Variants in PDE7B observed in about 807,000 individuals in gnomAD.
PDE7B encodes phosphodiesterase 7B.
Under a neutral mutation model 56.2 loss-of-function variants are expected in PDE7B, and 29 were observed. The observed-to-expected ratio is 0.52, with a 90% confidence interval of 0.38 to 0.70. PDE7B has a LOEUF of 0.70. Among genes scored for constraint, PDE7B ranks in the 30% least tolerant of loss-of-function variants. The probability of loss-of-function intolerance (pLI) is 0.00; values close to 1 mark genes in which losing one functional copy is unlikely to be tolerated. For missense variants in PDE7B, 490 were observed against 565.0 expected, an observed-to-expected ratio of 0.87 and a Z score of 1.35; for synonymous variants, 197 against 196.9, an observed-to-expected ratio of 1.00 and a Z score of 0.00.
chr6:136,117,517 C>CT (rs1256816136), intron 3 of PDE7B, among the ~76,000 whole-genome samples: 1 of 152,156 alleles, frequency 6.6e-6, no homozygotes. Context: ...TCAAAAAGAC[C>CT]TTTTTTTCTT....
chr6:135,879,498 G>C (rs1400472525), intron 1 of PDE7B, among the ~76,000 whole-genome samples: 1 of 151,956 alleles, frequency 6.6e-6, no homozygotes, highest in Non-Finnish European at 1.5e-5. Context: ...CACTTCATTA[G>C]CCAAGGCATA....
intron 2 of PDE7B, among the ~76,000 whole-genome samples, chr6:135,982,559 G>GT (rs1488584947): frequency 3.3e-5 from 5 of 152,110 alleles, no homozygotes; most frequent in Non-Finnish European, 5.9e-5. Context: ...AGGAATCTTA[G>GT]TGACCTGTGT....
chr6:136,178,845 C>A, intron 9 of PDE7B, 152 bp from the exon 10 acceptor site: 2 of 772,160 alleles, frequency 2.6e-6, no homozygotes, highest in Non-Finnish European at 4.3e-6. Context: ...GGGAGACTTG[C>A]TCTCAGGCAG....
At chr6:135,982,228 G>A (rs1197821989) in intron 2 of PDE7B, among the ~76,000 whole-genome samples, 1 of 152,128 alleles carries the variant, frequency 6.6e-6, no homozygotes, top group Non-Finnish European at 1.5e-5. Flanking sequence ...TGTATTATAA[G>A]GACCTACCGC....
At chr6:136,053,189 C>T (rs1343966075) in intron 2 of PDE7B, among the ~76,000 whole-genome samples, 1 of 149,976 alleles carries the variant, frequency 6.7e-6, no homozygotes, top group South Asian at 2.2e-4. Context: ...AGGTATATCT[C>T]TTAATGCTAT....
intron 2 of PDE7B, among the ~76,000 whole-genome samples, chr6:135,970,878 A>G (rs1030057830): frequency 1.3e-5 from 2 of 152,114 alleles, no homozygotes; most frequent in Non-Finnish European, 2.9e-5. Flanking sequence ...TTGCCAATGA[A>G]TTGGAGGTAG....
intron 2 of PDE7B, among the ~76,000 whole-genome samples, chr6:136,014,250 A>G (rs929901286): frequency 1.3e-5 from 2 of 152,248 alleles, no homozygotes; most frequent in Non-Finnish European, 2.9e-5. Context: ...ATCACTCACA[A>G]TACCACTAAG....
chr6:135,911,040 CATAA>C (rs1192547484), intron 1 of PDE7B, among the ~76,000 whole-genome samples: 3 of 152,120 alleles, frequency 2.0e-5, no homozygotes, highest in Non-Finnish European at 4.4e-5. Context: ...ACCCTGTGTA[CATAA>C]ATCTTTCACA....
intron 3 of PDE7B, among the ~76,000 whole-genome samples, chr6:136,142,047 A>C (rs1778335543): frequency 6.6e-6 from 1 of 152,076 alleles, no homozygotes; most frequent in Non-Finnish European, 1.5e-5. Flanking sequence ...TTGTGATGTT[A>C]GGGTATCAGT....
intron 2 of PDE7B, among the ~76,000 whole-genome samples, chr6:135,957,216 A>G (rs1322292654): frequency 6.6e-6 from 1 of 152,128 alleles, no homozygotes; most frequent in Non-Finnish European, 1.5e-5. Flanking sequence ...TAAGAAGGAA[A>G]TATGGTGTTC....
intron 2 of PDE7B, among the ~76,000 whole-genome samples, chr6:135,949,369 T>C (rs970990942): frequency 6.6e-6 from 1 of 152,108 alleles, no homozygotes; most frequent in African/African-American, 2.4e-5. Context: ...AGATCAATTA[T>C]CTTTCCATCT....
At chr6:136,035,365 A>C (rs1776309114) in intron 2 of PDE7B, 1 of 152,234 alleles carries the variant, frequency 6.6e-6, no homozygotes. Flanking sequence ...CCTTTCAGAT[A>C]ATTCACATGG....
At chr6:136,124,296 C>T (rs944285140) in intron 3 of PDE7B, among the ~76,000 whole-genome samples, 6 of 151,836 alleles carry the variant, frequency 4.0e-5, no homozygotes, top group African/African-American at 1.2e-4. Context: ...TTGTGGAGTG[C>T]AATTTTATAC....
intron 1 of PDE7B, among the ~76,000 whole-genome samples, chr6:135,883,803 C>T (rs981016580): frequency 1.8e-4 from 27 of 152,140 alleles, no homozygotes; most frequent in African/African-American, 5.8e-4. Context: ...CTTACCATGC[C>T]GAAGCTCTTT....
intron 5 of PDE7B, among the ~76,000 whole-genome samples, chr6:136,150,127 A>G (rs1778485300): frequency 1.3e-5 from 2 of 152,222 alleles, no homozygotes; most frequent in African/African-American, 4.8e-5. Context: ...ATTTTCTTTA[A>G]CTCAATTAAT....
At chr6:136,162,292 A>G (rs1778717921) in intron 8 of PDE7B, 1 of 152,220 alleles carries the variant, frequency 6.6e-6, no homozygotes, top group Non-Finnish European at 1.5e-5. Context: ...GCTTACAATC[A>G]TAGCAGAAGG....
chr6:136,187,257 T>G (rs1344709000), intron 12 of PDE7B, 141 bp downstream of exon 12: 1 of 593,326 alleles, frequency 1.7e-6, no homozygotes. Context: ...TGAGTCCAAA[T>G]TAATACTTTA....
chr6:136,028,376 G>A (rs1291338953), intron 2 of PDE7B, among the ~76,000 whole-genome samples: 1 of 152,204 alleles, frequency 6.6e-6, no homozygotes, highest in Non-Finnish European at 1.5e-5. Context: ...TTGGATTAGA[G>A]AAGTGGAAAA....
At chr6:135,915,079 C>T (rs1444862214) in intron 1 of PDE7B, among the ~76,000 whole-genome samples, 2 of 145,288 alleles carry the variant, frequency 1.4e-5, no homozygotes, top group South Asian at 2.2e-4. Context: ...GGCTACAGAG[C>T]GAGACTCCAT....
Sources: gnomAD v4.1 joint callset for allele counts (sites outside exome capture counted in the v4.1 genomes callset) on GRCh38, gnomAD v4.1.1 for gene constraint, MANE v1.5 for transcripts, NCBI Gene and HGNC (gene_info 2026-07-23, HGNC 2026-07-21) for gene names.